Variants in XPO1 observed in about 807,000 individuals in gnomAD.
The protein encoded by XPO1 is exportin-1.
A neutral mutation model predicts 133.3 loss-of-function variants in XPO1; 5 were observed. The ratio of observed to expected loss-of-function variants is 0.04; its 90% CI spans 0.02 to 0.08. The LOEUF (loss-of-function observed/expected upper bound fraction) is 0.08. XPO1 is among the 10% of genes least tolerant of loss of function. The probability of loss-of-function intolerance (pLI) is 1.00; values close to 1 mark genes in which losing one functional copy is unlikely to be tolerated. For missense variants in XPO1, 506 were observed against 1,267.5 expected (o/e 0.40, Z 9.12); for synonymous variants, 419 against 408.2 (o/e 1.03, Z -0.32).
intron 11 of XPO1, 109 bp downstream of exon 11, chr2:61,495,346 T>C (rs1697194806): frequency 4.7e-6 from 4 of 859,678 alleles, no homozygotes; most frequent in Admixed American, 3.2e-5. Context: ...TGATCAAATA[T>C]TAAGTAATAA....
At chr2:61,526,571 ATCAT>A (rs1299617527) in intron 2 of XPO1, 50 bp from the exon 3 acceptor site, 4 of 1,380,446 alleles carry the variant, frequency 2.9e-6, no homozygotes, top group Admixed American at 2.8e-5. Context: ...ATTCTTTTGA[ATCAT>A]TCATTAAAAT....
At chr2:61,501,721 C>CAAAAAAAAAAAA (rs34659499) in intron 6 of XPO1, among the ~76,000 whole-genome samples, 1 of 111,422 alleles carries the variant, frequency 9.0e-6, no homozygotes, top group African/African-American at 3.4e-5. Flanking sequence ...AGACTGTCTC[C>CAAAAAAAAAAAA]AAAAAAAAAA....
At chr2:61,520,796 C>A (rs1018435754) in intron 4 of XPO1, among the ~76,000 whole-genome samples, 4 of 152,110 alleles carry the variant, frequency 2.6e-5, no homozygotes, top group Non-Finnish European at 5.9e-5. Context: ...AACAGAGATG[C>A]AGATTTAAGA....
chr2:61,485,730 G>A (rs994931018), intron 20 of XPO1, 38 bp downstream of exon 20: 4 of 1,526,916 alleles, frequency 2.6e-6, no homozygotes, highest in Non-Finnish European at 3.6e-6. Context: ...AGGCTATCCT[G>A]CAGAATTTCC....
At chr2:61,490,936 C>G (rs759650218) in intron 16 of XPO1, among the ~76,000 whole-genome samples, 160 bp from the exon 17 acceptor site, 1 of 152,196 alleles carries the variant, frequency 6.6e-6, no homozygotes, top group Non-Finnish European at 1.5e-5. Context: ...AGGCCAATCA[C>G]TTGTGGTCAG....
intron 4 of XPO1, among the ~76,000 whole-genome samples, chr2:61,510,407 T>G (rs1698031462): frequency 6.6e-6 from 1 of 152,150 alleles, no homozygotes; most frequent in Non-Finnish European, 1.5e-5. Context: ...GAAATATTAA[T>G]AAGAACAATG....
chr2:61,537,979 A>G lies in XPO1; in HGVS notation c.-424T>C. 1 of 157,682 alleles carries G rather than the reference A, an allele frequency of 6.3e-6. No homozygotes were observed. The highest frequency in any genetic ancestry group is 1.8e-4 in the South Asian group (1 of 5,496). The allele number at this position is 157,682 out of a possible 1,614,324, so 9.8% of individuals were successfully genotyped here. On this transcript the variant is annotated 5_prime_UTR_variant, in exon 1 of 25. Transcript: ENST00000401558. ...ACGGCCGGGGAGACGCTCTGCTGCC[A>G]GTTGCAGTCCGACTCCCCCCTACCA...
At chr2:61,490,064 T>C (rs1696898690) in intron 17 of XPO1, among the ~76,000 whole-genome samples, 1 of 151,738 alleles carries the variant, frequency 6.6e-6, no homozygotes, top group Non-Finnish European at 1.5e-5. Context: ...CTAATTTTTG[T>C]ATTTTTAGTA....
At chr2:61,491,593 TCTCA>T (rs1331758045) in intron 16 of XPO1, among the ~76,000 whole-genome samples, 3 of 151,232 alleles carry the variant, frequency 2.0e-5, no homozygotes, top group South Asian at 4.2e-4. Context: ...CAAGAATCTG[TCTCA>T]CTATGAAAAT....
Position 61,478,925 on chromosome 2 carries a change from C to G in XPO1, c.3111G>C (p.Glu1037Asp), listed in dbSNP as rs1430109013. The change falls in exon 25 of 25, where the codon GAG (glutamate) becomes GAC (aspartate). Residue 1037 changes from glutamate to aspartate, a missense_variant. By Grantham distance (45) the Glu-to-Asp change is conservative. Around this residue, in one of 6 missense-constraint regions of XPO1, gnomAD observed 203 missense variants for 365.9 expected, o/e 0.55. Transcript: ENST00000401558. The part of the protein sequence containing the change: ...GEDTSDLFLE[E>D]REIALRQADE... Reference sequence around the variant, plus strand: ...CAGCCTGCCGTAGGGCTATTTCTCTCTCTTCCAAAAACAAATCAGAAGTGT... The same window carrying G: ...CAGCCTGCCGTAGGGCTATTTCTCTGTCTTCCAAAAACAAATCAGAAGTGT... The G allele has an allele frequency of 6.2e-7, 1 of 1,613,984 alleles. No individual in the cohort carries two copies. Among genetic ancestry groups the G allele is most frequent in the Non-Finnish European group, 8.5e-7 (1 of 1,180,022 alleles).
rs189187083 is a variant in XPO1, at chr2:61,483,371, G to A, written c.2678-280C>T. The A allele has an allele frequency of 1.1e-4, 36 of 314,622 alleles. 2 individuals are homozygous for A. The highest frequency in any genetic ancestry group is 1.1e-3 in the Admixed American group (23 of 20,630). 19.5% of individuals were successfully genotyped at this position (314,622 alleles called of 1,614,324 possible). On this transcript the variant is annotated intron_variant, in intron 21 of 24. Transcript: ENST00000401558. ...TGGACTTTGGGGACTTGTGGGGAAG[G>A]GCAGGAGTGGGTGAGGGATAAGACT...
rs990449327 is a variant in XPO1, at chr2:61,477,918, G to C, written c.*902C>G. The C allele has an allele frequency of 4.6e-6, 1 of 218,752 alleles. No homozygotes were observed. Among genetic ancestry groups the C allele is most frequent in the African/African-American group, 2.2e-5 (1 of 44,474 alleles). The allele number at this position is 218,752 out of a possible 1,614,324, so 13.6% of individuals were successfully genotyped here. A position where few individuals can be genotyped will look rare whatever the true frequency, so the allele number is the denominator to read the frequency against. ...CTATCATTAATATAGGAATAAATGA[G>C]TCAATAAAGGAAAAATAAATGTAAA... On this transcript the variant is annotated 3_prime_UTR_variant, in exon 25 of 25. Transcript: ENST00000401558.
intron 24 of XPO1, among the ~76,000 whole-genome samples, chr2:61,480,904 TC>T (rs1235990244): frequency 7.9e-5 from 12 of 152,206 alleles, no homozygotes; most frequent in Non-Finnish European, 1.3e-4. Flanking sequence ...CCAACGTTTT[TC>T]TTACCCAATA....
In XPO1 at chr2:61,478,965, T is replaced by A; in HGVS notation, c.3071A>T (p.Glu1024Val). The part of the protein sequence containing the change: ...HLRDFLVQIK[E>V]FAGEDTSDLF... The stretch of plus-strand genomic sequence containing the variant: ...ATCAGAAGTGTCTTCACCTGCAAAT[T>A]CCTGTGAAAACAGATAGTTGAAATG... The change falls in exon 25 of 25, where the codon GAA becomes GTA. Residue 1024 changes from glutamate (E) to valine (V), a missense_variant and splice_region_variant. By Grantham distance (121) the Glu-to-Val change is moderately radical (BLOSUM62 -2). Around this residue, in one of 6 missense-constraint regions of XPO1, gnomAD observed 203 missense variants for 365.9 expected, o/e 0.55. Transcript: ENST00000401558. 6.2e-7 allele frequency: 1 copy of A among 1,610,756 alleles called. No homozygotes were observed. Among genetic ancestry groups the A allele is most frequent in the Non-Finnish European group, 8.5e-7 (1 of 1,179,030 alleles).
intron 24 of XPO1, chr2:61,480,333 G>A (rs1696284230): frequency 7.1e-6 from 1 of 141,574 alleles, no homozygotes; most frequent in South Asian, 2.2e-4. Flanking sequence ...AGGTTGGAGT[G>A]CAATGACGTG....
At chr2:61,502,166 G>A (rs746865778) in intron 5 of XPO1, 83 bp downstream of exon 5, 1 of 1,541,116 alleles carries the variant, frequency 6.5e-7, no homozygotes, top group Non-Finnish European at 8.9e-7. Context: ...GTGACTATGT[G>A]TCTTGACAGA....
chr2:61,525,440 T>G, intron 3 of XPO1: 1 of 1,002,580 alleles, frequency 1.0e-6, no homozygotes, highest in Non-Finnish European at 1.2e-6. Context: ...TCATAGTGCA[T>G]AAATTTAGCA....
At position 61,483,930 on chromosome 2, in the gene XPO1, T is replaced by C. The variant is rs767076104; in HGVS notation, c.2677+7A>G. The C allele has an allele frequency of 1.2e-6, 2 of 1,609,162 alleles. No individual in the cohort carries two copies. On this transcript the variant is annotated splice_region_variant and intron_variant, in intron 21 of 24. Transcript: ENST00000401558. ...GGCAAATGAATAAAAGAACATCTTT[T>C]ATTTACCCGTATCTGCGACATTCCT...
At chr2:61,526,633 T>C (rs1201701282) in intron 2 of XPO1, 112 bp from the exon 3 acceptor site, 13 of 748,996 alleles carry the variant, frequency 1.7e-5, no homozygotes, top group Non-Finnish European at 2.3e-5. Context: ...GAGATTCTAT[T>C]ATTGATGTTC....
Sources: gnomAD v4.1 joint callset for allele counts (sites outside exome capture counted in the v4.1 genomes callset) on GRCh38, gnomAD v4.1.1 for gene constraint, gnomAD v4.1.1 regional missense constraint, MANE v1.5 for transcripts, NCBI Gene and HGNC (gene_info 2026-07-23, HGNC 2026-07-21) for gene names.